The following TNFRSF9 variants were observed in gnomAD, a reference collection of about 807,000 sequenced individuals.
TNFRSF9 encodes tumor necrosis factor receptor superfamily member 9.
A neutral mutation model predicts 28.8 loss-of-function variants in TNFRSF9; 16 were observed. The ratio of observed to expected loss-of-function variants is 0.55; its 90% CI spans 0.38 to 0.84. The LOEUF is 0.84. TNFRSF9 is among the 40% of genes least tolerant of loss of function. TNFRSF9 has a pLI of 0.00. For synonymous variants in TNFRSF9, 131 were observed against 117.0 expected (o/e 1.12, Z -0.77); for missense variants, 303 against 315.0 (o/e 0.96, Z 0.29).
chr1:7,933,325 A>G (rs372908029), intron 6 of TNFRSF9, 29 bp from the exon 7 acceptor site: 15 of 1,604,478 alleles, frequency 9.3e-6, no homozygotes, highest in Non-Finnish European at 1.3e-5. Context: ...GGAGAAACGC[A>G]TGCAGAAATG....
chr1:7,917,969 T>C lies in TNFRSF9; in HGVS notation c.*2866A>G, dbSNP rs181351861. 7.4e-6 allele frequency: 1 copy of C among 135,904 alleles called. No individual in the cohort carries two copies. The highest frequency in any genetic ancestry group is 2.1e-4 in the South Asian group (1 of 4,698). 8.4% of individuals were successfully genotyped at this position (135,904 alleles called of 1,614,324 possible). A position where few individuals can be genotyped will look rare whatever the true frequency, so the allele number is the denominator to read the frequency against. Reference sequence around the variant, plus strand: ...AAATTACAAAGGATATATATATATATATATATAGATATAGATAGATAGATA... The same window carrying C: ...AAATTACAAAGGATATATATATATACATATATAGATATAGATAGATAGATA... On this transcript the variant is annotated 3_prime_UTR_variant, in exon 8 of 8. Transcript: ENST00000377507.
Position 7,940,003 on chromosome 1 carries a change from CT to C in TNFRSF9, c.-10del. On this transcript the variant is annotated 5_prime_UTR_variant, in exon 2 of 8. Coordinates refer to ENST00000377507, the MANE Select transcript of TNFRSF9 (RefSeq NM_001561.6). Reference sequence around the variant, plus strand: ...TAACAGCTGTTTCCCATGATGAAATCTGGCACAGGTATGATACTAGCAAAGC... The same window carrying C: ...TAACAGCTGTTTCCCATGATGAAATCGGCACAGGTATGATACTAGCAAAGC... The C allele has an allele frequency of 6.3e-7, 1 of 1,582,758 alleles. No individual in the cohort carries two copies. The highest frequency in any genetic ancestry group is 8.7e-7 in the Non-Finnish European group (1 of 1,154,728).
At chr1:7,928,116 A>T (rs1199661226) in intron 7 of TNFRSF9, among the ~76,000 whole-genome samples, 1 of 152,250 alleles carries the variant, frequency 6.6e-6, no homozygotes, top group African/African-American at 2.4e-5. Context: ...AGATGTCACT[A>T]CATACCTATT....
intron 6 of TNFRSF9, 47 bp from the exon 7 acceptor site, chr1:7,933,343 A>T: frequency 6.3e-7 from 1 of 1,589,284 alleles, no homozygotes; most frequent in Non-Finnish European, 8.6e-7. Context: ...ATGTGTTGAC[A>T]CTCATACACC....
Position 7,932,670 on chromosome 1 carries a change from CAT to C in TNFRSF9, c.679+490_679+491del, listed in dbSNP as rs554389869. Among the ~76,000 whole-genome samples the C allele has an allele frequency of 2.4e-3, 361 of 151,696 alleles. 1 individual carries two copies. Among genetic ancestry groups the C allele is most frequent in the Non-Finnish European group, 3.8e-3 (259 of 67,912 alleles). On this transcript the variant is annotated intron_variant, in intron 7 of 7. Coordinates refer to ENST00000377507, the MANE Select transcript of TNFRSF9 (RefSeq NM_001561.6). Reference sequence around the variant, plus strand: ...AGTGTCCTCCACACGCACACACACACATACACACACGCACGCACGCGCACACA... The same window carrying C: ...AGTGTCCTCCACACGCACACACACACACACACACGCACGCACGCGCACACA...
At chr1:7,922,217 A>C (rs543470196) in intron 7 of TNFRSF9, among the ~76,000 whole-genome samples, 1 of 152,338 alleles carries the variant, frequency 6.6e-6, no homozygotes, top group Non-Finnish European at 1.5e-5. Context: ...CCTAGAACTT[A>C]TGAAAAACTG....
intron 7 of TNFRSF9, among the ~76,000 whole-genome samples, chr1:7,925,964 G>A (rs918230599): frequency 1.3e-5 from 2 of 152,154 alleles, no homozygotes; most frequent in Non-Finnish European, 2.9e-5. Flanking sequence ...GCAGTGATGC[G>A]ATCTCGGCTC....
At chr1:7,922,625 A>G (rs1200557290) in intron 7 of TNFRSF9, among the ~76,000 whole-genome samples, 1 of 152,130 alleles carries the variant, frequency 6.6e-6, no homozygotes, top group African/African-American at 2.4e-5. Context: ...CAGCCTGGCC[A>G]ACATGGCGAA....
intron 6 of TNFRSF9, among the ~76,000 whole-genome samples, chr1:7,934,437 G>T (rs895193914): frequency 6.6e-6 from 1 of 151,826 alleles, no homozygotes; most frequent in Non-Finnish European, 1.5e-5. Flanking sequence ...CTGGACGGGC[G>T]TGGTGGCTCA....
chr1:7,932,195 C>T (rs1486003226), intron 7 of TNFRSF9, among the ~76,000 whole-genome samples: 1 of 152,168 alleles, frequency 6.6e-6, no homozygotes, highest in Non-Finnish European at 1.5e-5. Flanking sequence ...TTTTAACAAT[C>T]TCCAAATAGG....
At position 7,940,051 on chromosome 1, in the gene TNFRSF9, C is replaced by G; in HGVS notation, c.-57G>C. ...AAGCTGATTCCAAGAGAATTTTAATCAAATTAGCTGGTCTCACAAATGTCA... is the reference window on the plus strand; with the variant it reads ...AAGCTGATTCCAAGAGAATTTTAATGAAATTAGCTGGTCTCACAAATGTCA... On this transcript the variant is annotated 5_prime_UTR_variant, in exon 2 of 8. Coordinates refer to ENST00000377507, the MANE Select transcript of TNFRSF9 (RefSeq NM_001561.6). 1 of 1,273,614 alleles carries G rather than the reference C, an allele frequency of 7.9e-7. No individual in the cohort carries two copies. Among genetic ancestry groups the G allele is most frequent in the Non-Finnish European group, 1.1e-6 (1 of 885,560 alleles). The allele number at this position is 1,273,614 out of a possible 1,614,324, so 78.9% of individuals were successfully genotyped here. A position where few individuals can be genotyped will look rare whatever the true frequency, so the allele number is the denominator to read the frequency against.
chr1:7,923,504 A>C (rs1477682031), intron 7 of TNFRSF9, among the ~76,000 whole-genome samples: 1 of 152,138 alleles, frequency 6.6e-6, no homozygotes, highest in South Asian at 2.1e-4. Context: ...TTCCTTCCCT[A>C]GAGTGATGTC....
chr1:7,938,330 C>T lies in TNFRSF9; in HGVS notation c.209G>A (p.Gly70Asp), dbSNP rs202220858. Residue 70 changes from glycine (G) to aspartate (D), a missense_variant and splice_region_variant, in exon 4 of 8, where the codon GGT becomes GAT. By Grantham distance (94) the Gly-to-Asp change is moderately conservative. Transcript: ENST00000377507. The stretch of plus-strand genomic sequence containing the variant: ...ACACTCCTTCCTGGTCCTGAAAACA[C>T]CTACAAAGTCCCCCCAGCCCCCAAC... ...RTCDICRQCK[G>D]VFRTRKECSS... is the part of the protein sequence containing the mutation. 6.9e-5 allele frequency: 110 copies of T among 1,597,554 alleles called. No individual in the cohort carries two copies. The highest frequency in any genetic ancestry group is 5.5e-5 in the Non-Finnish European group (64 of 1,172,014).
intron 7 of TNFRSF9, among the ~76,000 whole-genome samples, chr1:7,921,366 A>G (rs1385956304): frequency 6.8e-6 from 1 of 146,522 alleles, no homozygotes; most frequent in Non-Finnish European, 1.5e-5. Flanking sequence ...AACAAAACAA[A>G]ACAAAACAAA....
At chr1:7,939,810 G>A in intron 2 of TNFRSF9, 85 bp downstream of exon 2, 1 of 962,324 alleles carries the variant, frequency 1.0e-6, no homozygotes, top group South Asian at 2.2e-5. Flanking sequence ...TCCTTAAAAG[G>A]GAGCTCGTTA....
At position 7,937,748 on chromosome 1, in the gene TNFRSF9, C is replaced by G. The variant is rs763203873; in HGVS notation, c.355G>C (p.Asp119His). The G allele has an allele frequency of 3.1e-6, 5 of 1,611,896 alleles. No homozygotes were observed. Among genetic ancestry groups the G allele is most frequent in the Non-Finnish European group, 4.2e-6 (5 of 1,178,400 alleles). The change falls in exon 5 of 8, where the codon GAC becomes CAC. Residue 119 changes from aspartate (D) to histidine (H), a missense_variant. Coordinates refer to ENST00000377507, the MANE Select transcript of TNFRSF9 (RefSeq NM_001561.6). ...TCGTTAAATGTCCCAAAGCAACAGT[C>G]TTTACAACCTTGTATTAAAAATGAA... is the stretch of plus-strand genomic sequence containing the variant. ...GQELTKKGCK[D>H]CCFGTFNDQK... is the part of the protein sequence containing the mutation.
At chr1:7,927,751 T>C (rs989928353) in intron 7 of TNFRSF9, among the ~76,000 whole-genome samples, 2 of 151,792 alleles carry the variant, frequency 1.3e-5, no homozygotes, top group East Asian at 3.9e-4. Context: ...ACCCTAAATC[T>C]TTGAGACCCA....
At chr1:7,927,965 A>G (rs1639679187) in intron 7 of TNFRSF9, among the ~76,000 whole-genome samples, 1 of 152,218 alleles carries the variant, frequency 6.6e-6, no homozygotes, top group Admixed American at 6.5e-5. Flanking sequence ...CTTGAATCTC[A>G]ACAGTAAAAC....
chr1:7,934,494 C>T (rs190591612), intron 6 of TNFRSF9, among the ~76,000 whole-genome samples: 128 of 151,908 alleles, frequency 8.4e-4, no homozygotes, highest in African/African-American at 2.6e-3. Flanking sequence ...GCGGATCATG[C>T]GGTCAGGAGT....
Sources: allele counts gnomAD v4.1 joint callset (sites outside exome capture counted in the v4.1 genomes callset), GRCh38; gene constraint gnomAD v4.1.1; transcripts MANE v1.5; gene names NCBI Gene and HGNC (gene_info 2026-07-23, HGNC 2026-07-21).